The following DNTT variants were observed in gnomAD, a reference collection of about 807,000 sequenced individuals.
The protein encoded by DNTT is nucleosidetriphosphate:DNA deoxynucleotidylexotransferase.
Under a neutral mutation model 60.9 loss-of-function variants are expected in DNTT, and 47 were observed. The ratio of observed to expected loss-of-function variants is 0.77; its 90% CI spans 0.61 to 0.98. The LOEUF is 0.98. DNTT is among the 50% of genes least tolerant of loss of function. The probability of loss-of-function intolerance (pLI) is 0.00; values close to 1 mark genes in which losing one functional copy is unlikely to be tolerated. For synonymous variants in DNTT, 224 were observed against 221.2 expected, an observed-to-expected ratio of 1.01 and a Z score of -0.11; for missense variants, 665 against 627.5, an observed-to-expected ratio of 1.06 and a Z score of -0.64.
intron 9 of DNTT, among the ~76,000 whole-genome samples, chr10:96,334,860 C>T (rs1397273659): frequency 6.6e-6 from 1 of 152,178 alleles, no homozygotes; most frequent in Non-Finnish European, 1.5e-5. Context: ...AAGTGGTTGA[C>T]ATTTGCCCAT....
chr10:96,307,723 AT>A (rs1564868502), intron 1 of DNTT, among the ~76,000 whole-genome samples: 3 of 141,584 alleles, frequency 2.1e-5, no homozygotes, highest in African/African-American at 7.8e-5. Flanking sequence ...ATATATATAT[AT>A]ATATATATAA....
At chr10:96,326,261 C>A (rs1166910513) in intron 6 of DNTT, among the ~76,000 whole-genome samples, 1 of 151,272 alleles carries the variant, frequency 6.6e-6, no homozygotes, top group Non-Finnish European at 1.5e-5. Flanking sequence ...CTTCTTAGAT[C>A]AAACTCCTCA....
chr10:96,313,735 T>C (rs769524797), intron 1 of DNTT, among the ~76,000 whole-genome samples: 2 of 152,228 alleles, frequency 1.3e-5, no homozygotes, highest in Non-Finnish European at 2.9e-5. Context: ...TATTTATTGT[T>C]GGTTACTTAA....
Position 96,304,586 on chromosome 10 carries a change from TC to T in DNTT, c.90del (p.Lys31AsnfsTer45), listed in dbSNP as rs778443003. 7 of 1,613,990 alleles carry T rather than the reference TC, an allele frequency of 4.3e-6. No homozygotes were observed. The highest frequency in any genetic ancestry group is 1.7e-5 in the Admixed American group (1 of 60,004). On this transcript the variant is annotated frameshift_variant, in exon 1 of 11. Coordinates refer to ENST00000371174, the MANE Select transcript of DNTT (RefSeq NM_004088.4). LOFTEE classifies it high-confidence loss of function. The part of the protein sequence containing the change: ...GALMASSPQD[I>X]KFQDLVVFIL... ...TTGATGGCCTCCTCTCCTCAAGACA[TC>T]AAATTTCAAGATTTGGTCGTCTTCA...
At chr10:96,314,704 G>A (rs554129266) in intron 1 of DNTT, among the ~76,000 whole-genome samples, 290 of 151,892 alleles carry the variant, frequency 1.9e-3, no homozygotes, top group Non-Finnish European at 3.5e-3. Flanking sequence ...GAGCCACCGC[G>A]CCCAGCCTCT....
intron 6 of DNTT, among the ~76,000 whole-genome samples, chr10:96,325,919 T>C (rs779502225): frequency 5.3e-5 from 8 of 152,262 alleles, no homozygotes; most frequent in Non-Finnish European, 1.0e-4. Context: ...AGCGTGCACA[T>C]GCCACGTTTG....
chr10:96,337,253 G>A (rs1438367577), intron 10 of DNTT, among the ~76,000 whole-genome samples: 1 of 152,170 alleles, frequency 6.6e-6, no homozygotes, highest in East Asian at 1.9e-4. Context: ...CCTACCTGAT[G>A]CTCATTGGCC....
intron 1 of DNTT, among the ~76,000 whole-genome samples, chr10:96,307,676 C>CAT (rs1387838488): frequency 9.4e-6 from 1 of 106,202 alleles, no homozygotes; most frequent in Non-Finnish European, 1.8e-5. Flanking sequence ...TTACAATAAG[C>CAT]ATATATATAT....
At position 96,332,615 on chromosome 10, in the gene DNTT, C is replaced by T. The variant is rs375527858; in HGVS notation, c.1359+19C>T. On this transcript the variant is annotated intron_variant, in intron 9 of 10. Transcript: ENST00000371174. ...CTCCCGGGTAAGTGCTACATGGACC[C>T]ATGGGATGATGTTAGCTTTCTGAAA... is the stretch of plus-strand genomic sequence containing the variant. 67 of 1,608,490 alleles carry T rather than the reference C, an allele frequency of 4.2e-5. No individual in the cohort carries two copies. Among genetic ancestry groups the T allele is most frequent in the African/African-American group, 6.7e-5 (5 of 74,490 alleles).
chr10:96,331,433 C>T (rs1003551623), intron 8 of DNTT, among the ~76,000 whole-genome samples: 1 of 152,276 alleles, frequency 6.6e-6, no homozygotes, highest in Non-Finnish European at 1.5e-5. Context: ...TCTGGTGCGG[C>T]CTCAGGGGGC....
At position 96,307,774 on chromosome 10, in the gene DNTT, TATA is replaced by T. The variant is rs1188164816; in HGVS notation, c.203+3075_203+3077del. Among the ~76,000 whole-genome samples the T allele has an allele frequency of 6.9e-3, 301 of 43,748 alleles. 18 individuals are homozygous for T. In the East Asian group the frequency reaches 0.13, roughly 18 times the overall value. 28.7% of individuals were successfully genotyped at this position (43,748 alleles called of 152,430 possible). On this transcript the variant is annotated intron_variant, in intron 1 of 10. Coordinates refer to ENST00000371174, the MANE Select transcript of DNTT (RefSeq NM_004088.4). The stretch of plus-strand genomic sequence containing the variant: ...GTGTGTGTGCATATATATATATATA[TATA>T]TTTTTTTTTTTTGAGGCAGGGTCTT...
At position 96,319,284 on chromosome 10, in the gene DNTT, G is replaced by A. The variant is rs1271826354; in HGVS notation, c.401G>A (p.Ser134Asn). 6.2e-7 allele frequency: 1 copy of A among 1,613,678 alleles called. No homozygotes were observed. The highest frequency in any genetic ancestry group is 8.5e-7 in the Non-Finnish European group (1 of 1,179,734). Residue 134 changes from serine (S) to asparagine (N), a missense_variant, in exon 3 of 11, where the codon AGC (serine) becomes AAC (asparagine). Physicochemically the swap from Ser to Asn is conservative, Grantham distance 46. Transcript: ENST00000371174. ...TAGGTGAGAAGAGACTATTCAGATA[G>A]CACCAACCCAGGCCCCCCGAAGACT... ...QLVVRRDYSDSTNPGPPKTPP... is the reference protein window; with the variant it reads ...QLVVRRDYSDNTNPGPPKTPP...
chr10:96,321,140 G>T (rs1356037798), intron 4 of DNTT, among the ~76,000 whole-genome samples: 1 of 152,108 alleles, frequency 6.6e-6, no homozygotes, highest in Non-Finnish European at 1.5e-5. Context: ...GCAGAAGAAA[G>T]AATTCGACTG....
At chr10:96,320,065 A>G (rs1219671149) in intron 3 of DNTT, among the ~76,000 whole-genome samples, 3 of 152,226 alleles carry the variant, frequency 2.0e-5, no homozygotes, top group African/African-American at 7.2e-5. Context: ...TGTGTTGGAA[A>G]GACTAGGAAA....
At chr10:96,331,264 G>A (rs909628462) in intron 8 of DNTT, among the ~76,000 whole-genome samples, 5 of 152,322 alleles carry the variant, frequency 3.3e-5, no homozygotes, top group Middle Eastern at 6.8e-3. Flanking sequence ...CTTTTGGCTG[G>A]TTAAACCTGG....
intron 6 of DNTT, among the ~76,000 whole-genome samples, chr10:96,326,611 G>A (rs950895374): frequency 4.6e-5 from 7 of 152,148 alleles, no homozygotes; most frequent in Admixed American, 3.3e-4. Flanking sequence ...AGGTGAAATC[G>A]CAAAGAAGTA....
intron 1 of DNTT, among the ~76,000 whole-genome samples, chr10:96,309,700 A>C (rs1269782856): frequency 6.6e-6 from 1 of 151,920 alleles, no homozygotes; most frequent in African/African-American, 2.4e-5. Context: ...GTTGGTAAAG[A>C]CTCTCTCCTT....
At chr10:96,328,166 A>G (rs190719113) in intron 7 of DNTT, among the ~76,000 whole-genome samples, 12 of 152,362 alleles carry the variant, frequency 7.9e-5, no homozygotes, top group African/African-American at 2.6e-4. Flanking sequence ...ACGCTTCACA[A>G]GGATGTATGT....
chr10:96,314,691 C>T (rs1178471885), intron 1 of DNTT, among the ~76,000 whole-genome samples: 3 of 152,022 alleles, frequency 2.0e-5, no homozygotes, highest in Admixed American at 6.5e-5. Flanking sequence ...GGATTACAGG[C>T]ATGAGCCACC....
Sources: allele counts gnomAD v4.1 joint callset (sites outside exome capture counted in the v4.1 genomes callset), GRCh38; gene constraint gnomAD v4.1.1; transcripts MANE v1.5; gene names NCBI Gene and HGNC (gene_info 2026-07-23, HGNC 2026-07-21).